The following MCPH1 variants were observed in gnomAD, a reference collection of about 807,000 sequenced individuals.
MCPH1 encodes the protein microcephalin 1, also known as microcephalin.
MCPH1 carries 104 observed loss-of-function variants against 84.5 expected under a neutral mutation model. The observed-to-expected ratio is 1.23, with a 90% CI of 1.05 to 1.45. MCPH1 has a LOEUF of 1.45. Among genes scored for constraint, MCPH1 ranks in the 40% most tolerant of loss-of-function variants. The pLI is 0.00. For synonymous variants in MCPH1, 514 were observed against 366.8 expected (o/e 1.40, Z -4.58); for missense variants, 1,498 against 1,005.7 (o/e 1.49, Z -6.62).
At position 6,452,138 on chromosome 8, in the gene MCPH1, C is replaced by T. The variant is rs186429234; in HGVS notation, c.1826-3005C>T. Among the ~76,000 whole-genome samples, 169 of 152,260 alleles carry T rather than the reference C, an allele frequency of 1.1e-3. 1 individual carries two copies. The highest frequency in any genetic ancestry group is 3.9e-3 in the African/African-American group (163 of 41,540). On this transcript the variant is annotated intron_variant, in intron 8 of 13. Transcript: ENST00000344683. ...TCCTAGTATTTAAGTTACATGTGTC[C>T]TTATACTGTCTTGCCCTGGATCTGG...
In MCPH1 at chr8:6,646,622, T is replaced by A. The variant is rs1365800242; in HGVS notation, c.*3573T>A. The A allele has an allele frequency of 2.0e-5, 3 of 152,216 alleles. No individual in the cohort carries two copies. Among genetic ancestry groups the A allele is most frequent in the African/African-American group, 7.2e-5 (3 of 41,450 alleles). The allele number at this position is 152,216 out of a possible 1,614,324, so 9.4% of individuals were successfully genotyped here. On this transcript the variant is annotated 3_prime_UTR_variant, in exon 14 of 14. Coordinates refer to ENST00000344683, the MANE Select transcript of MCPH1 (RefSeq NM_024596.5). ...TGGACTATATCAGGGTTTCTCAACA[T>A]CAGCAGTGTTGGCGTTTGCTGGGGT...
At chr8:6,625,336 C>T (rs2129581382) in intron 13 of MCPH1, 1 of 985,458 alleles carries the variant, frequency 1.0e-6, no homozygotes. Context: ...TGACGGTATC[C>T]ATGGATGTGT....
chr8:6,427,104 G>C (rs563135231), intron 3 of MCPH1, among the ~76,000 whole-genome samples: 1 of 152,176 alleles, frequency 6.6e-6, no homozygotes, highest in Non-Finnish European at 1.5e-5. Context: ...TGAAACAGTG[G>C]TAAGTATTTG....
intron 12 of MCPH1, among the ~76,000 whole-genome samples, chr8:6,607,995 T>C (rs1438195690): frequency 2.6e-5 from 4 of 152,072 alleles, no homozygotes; most frequent in Admixed American, 2.0e-4. Context: ...ACCAACCATT[T>C]GGAATAGTGT....
chr8:6,420,174 C>A (rs561589918), intron 3 of MCPH1, among the ~76,000 whole-genome samples: 1 of 151,986 alleles, frequency 6.6e-6, no homozygotes, highest in Admixed American at 6.6e-5. Flanking sequence ...CCACTCCCCC[C>A]AGAACTGATG....
In MCPH1 at chr8:6,442,139, G is replaced by T. The variant is rs780973934; in HGVS notation, c.653G>T (p.Arg218Leu). 6 of 1,607,178 alleles carry T rather than the reference G, an allele frequency of 3.7e-6. No individual in the cohort carries two copies. The East Asian group carries it at 1.3e-4, about 36-fold the overall frequency. ...SLCEAPLNIS[R>L]DTLCSDEYFA... ...TGTGAAGCACCTTTGAACATTTCAC[G>T]TGATACTTTGTGTTCAGGTAAAATT... Residue 218 changes from arginine (R) to leucine (L), a missense_variant, in exon 7 of 14, where the codon CGT (arginine) becomes CTT (leucine). Arg to Leu is a moderately radical substitution (Grantham distance 102, BLOSUM62 -2). Coordinates refer to ENST00000344683, the MANE Select transcript of MCPH1 (RefSeq NM_024596.5).
At chr8:6,492,969 CA>C (rs1445317325) in intron 11 of MCPH1, among the ~76,000 whole-genome samples, 1 of 151,954 alleles carries the variant, frequency 6.6e-6, no homozygotes, top group East Asian at 1.9e-4. Context: ...TTAATGTGAA[CA>C]AAAAATAGTG....
Position 6,621,617 on chromosome 8 carries a change from C to A in MCPH1, c.2378C>A (p.Ala793Asp), listed in dbSNP as rs781673106. 1 of 1,614,128 alleles carries A rather than the reference C, an allele frequency of 6.2e-7. No homozygotes were observed. The highest frequency in any genetic ancestry group is 1.3e-5 in the African/African-American group (1 of 74,942). Residue 793 changes from alanine to aspartate, a missense_variant, in exon 13 of 14, where the codon GCC becomes GAC. Transcript: ENST00000344683. ...CGGGTCAGCCAAGTCCCCCGCCAGG[C>A]CAGCATCGTCATCGGGCCCTACAGC... ...GGRVSQVPRQ[A>D]SIVIGPYSGK...
At chr8:6,428,742 C>G (rs923167245) in intron 3 of MCPH1, among the ~76,000 whole-genome samples, 2 of 142,374 alleles carry the variant, frequency 1.4e-5, no homozygotes, top group East Asian at 4.0e-4. Context: ...GACACGTGCG[C>G]ACGCACACAC....
At chr8:6,497,263 T>G (rs1381141493) in intron 11 of MCPH1, among the ~76,000 whole-genome samples, 1 of 151,732 alleles carries the variant, frequency 6.6e-6, no homozygotes, top group African/African-American at 2.4e-5. Context: ...GGTGGATCAC[T>G]TGAGGTCATG....
chr8:6,434,253 G>C (rs537291908), intron 4 of MCPH1, among the ~76,000 whole-genome samples: 1 of 152,302 alleles, frequency 6.6e-6, no homozygotes, highest in East Asian at 1.9e-4. Context: ...CCGTACCTGA[G>C]AACCAGGAAG....
At chr8:6,418,673 C>G (rs1348830100) in intron 3 of MCPH1, among the ~76,000 whole-genome samples, 2 of 152,158 alleles carry the variant, frequency 1.3e-5, no homozygotes, top group South Asian at 2.1e-4. Context: ...ACCTCCTACT[C>G]CCTGGTTCAG....
At chr8:6,493,815 C>T (rs139017661) in intron 11 of MCPH1, among the ~76,000 whole-genome samples, 6 of 152,218 alleles carry the variant, frequency 3.9e-5, no homozygotes, top group Admixed American at 6.5e-5. Context: ...TTTAGAGATG[C>T]GGAGCTACTT....
At chr8:6,576,098 T>C (rs1827067839) in intron 12 of MCPH1, among the ~76,000 whole-genome samples, 1 of 149,746 alleles carries the variant, frequency 6.7e-6, no homozygotes, top group South Asian at 2.1e-4. Context: ...AATATAACGC[T>C]ACCTTGCAGC....
At chr8:6,592,619 T>C (rs1422170285) in intron 12 of MCPH1, among the ~76,000 whole-genome samples, 1 of 80,326 alleles carries the variant, frequency 1.2e-5, no homozygotes, top group East Asian at 3.6e-4. Flanking sequence ...TCTTTCTTTT[T>C]TTTGTTTTTT....
intron 12 of MCPH1, among the ~76,000 whole-genome samples, chr8:6,523,732 G>A (rs1817798833): frequency 6.6e-6 from 1 of 152,094 alleles, no homozygotes; most frequent in South Asian, 2.1e-4. Flanking sequence ...TAGGATTACA[G>A]GTGTGCCACC....
chr8:6,619,511 G>A (rs1271579035), intron 12 of MCPH1, among the ~76,000 whole-genome samples: 2 of 151,890 alleles, frequency 1.3e-5, no homozygotes, highest in Non-Finnish European at 2.9e-5. Flanking sequence ...GACCGGTCTC[G>A]AACTCCTGAC....
chr8:6,419,270 A>T (rs976840299), intron 3 of MCPH1, among the ~76,000 whole-genome samples: 7 of 152,016 alleles, frequency 4.6e-5, no homozygotes, highest in African/African-American at 1.7e-4. Flanking sequence ...CCGAGGCTGG[A>T]ATGCAATGAC....
At chr8:6,440,301 G>T (rs571216302) in intron 6 of MCPH1, among the ~76,000 whole-genome samples, 21 of 151,784 alleles carry the variant, frequency 1.4e-4, no homozygotes, top group African/African-American at 4.8e-4. Context: ...TTCCCACCCC[G>T]ACTTTTTACT....
Sources: gnomAD v4.1 joint callset for allele counts (sites outside exome capture counted in the v4.1 genomes callset) on GRCh38, gnomAD v4.1.1 for gene constraint, MANE v1.5 for transcripts, NCBI Gene and HGNC (gene_info 2026-07-23, HGNC 2026-07-21) for gene names.